The following LARGE1 variants were observed in gnomAD, a reference collection of about 807,000 sequenced individuals.
The protein encoded by LARGE1 is LARGE xylosyl- and glucuronyltransferase 1, also known as xylosyl- and glucuronyltransferase LARGE1.
In LARGE1, 43 loss-of-function variants were observed where a neutral mutation model predicts 87.6. That is an observed-to-expected ratio of 0.49 (90% CI 0.38 to 0.63). The LOEUF (loss-of-function observed/expected upper bound fraction) is 0.63, where lower values mean the gene tolerates loss of function less well. LARGE1 is among the 30% of genes least tolerant of loss of function. LARGE1 has a pLI of 0.00. For missense variants in LARGE1, 802 were observed against 1,000.2 expected (o/e 0.80, Z 2.67); for synonymous variants, 434 against 394.6 (o/e 1.10, Z -1.18).
At chr22:33,301,541 C>T (rs1293926127) in intron 12 of LARGE1, among the ~76,000 whole-genome samples, 3 of 151,996 alleles carry the variant, frequency 2.0e-5, no homozygotes, top group South Asian at 4.1e-4. Context: ...ATATGAATAC[C>T]TAGTAACCTT....
chr22:33,494,010 T>C (rs886142064), intron 6 of LARGE1, among the ~76,000 whole-genome samples: 9 of 152,240 alleles, frequency 5.9e-5, no homozygotes, highest in African/African-American at 2.2e-4. Flanking sequence ...AGGTGCTACT[T>C]TGTGCAAGGC....
At chr22:33,678,091 TA>T (rs2081636508) in intron 2 of LARGE1, among the ~76,000 whole-genome samples, 1 of 152,196 alleles carries the variant, frequency 6.6e-6, no homozygotes, top group African/African-American at 2.4e-5. Flanking sequence ...AAAATTTATG[TA>T]AAAGAAGTGG....
At chr22:33,485,461 C>T (rs753111763) in intron 6 of LARGE1, among the ~76,000 whole-genome samples, 13 of 152,060 alleles carry the variant, frequency 8.5e-5, no homozygotes, top group Non-Finnish European at 1.3e-4. Context: ...TGATCTGCCA[C>T]CCCCTCGGCC....
intron 5 of LARGE1, among the ~76,000 whole-genome samples, chr22:33,580,430 G>C (rs1240659404): frequency 6.6e-6 from 1 of 151,908 alleles, no homozygotes; most frequent in African/African-American, 2.4e-5. Context: ...CCTGAAAATG[G>C]GATGATGTAC....
At chr22:33,723,723 C>T (rs1357594688) in intron 2 of LARGE1, 1 of 151,708 alleles carries the variant, frequency 6.6e-6, no homozygotes, top group Non-Finnish European at 1.5e-5. Flanking sequence ...CTGAGCCCCC[C>T]TTTTTTCCCC....
intron 7 of LARGE1, among the ~76,000 whole-genome samples, chr22:33,414,119 T>C (rs1232334746): frequency 1.3e-5 from 2 of 152,186 alleles, no homozygotes; most frequent in African/African-American, 4.8e-5. Flanking sequence ...ACCGCCATAC[T>C]GTTTTCCATA....
rs541709951 is a variant in LARGE1, at chr22:33,208,372, G to A, written c.1731-41540C>T. On this transcript the variant is annotated intron_variant, in intron 11 of 11. Coordinates refer to the LARGE1 transcript ENST00000608642. ...TTTTAGGTTTCAAGCAATCCAAGTCGTCTTCAAAGCTGCTTGGGTTTCTTA... is the reference window on the plus strand; with the variant it reads ...TTTTAGGTTTCAAGCAATCCAAGTCATCTTCAAAGCTGCTTGGGTTTCTTA... Among the ~76,000 whole-genome samples the A allele has an allele frequency of 2.2e-3, 340 of 152,288 alleles. 3 individuals are homozygous for A. The highest frequency in any genetic ancestry group is 7.7e-3 in the African/African-American group (321 of 41,556).
At chr22:33,572,143 AC>A in intron 5 of LARGE1, 2 of 1,099,470 alleles carry the variant, frequency 1.8e-6, no homozygotes, top group Non-Finnish European at 2.5e-6. Flanking sequence ...TAGATTGCTT[AC>A]CCATATTAAC....
intron 1 of LARGE1, among the ~76,000 whole-genome samples, chr22:33,827,533 C>T (rs2062835601): frequency 6.6e-6 from 1 of 152,052 alleles, no homozygotes; most frequent in African/African-American, 2.4e-5. Flanking sequence ...TGGGTTAGCC[C>T]CGAAAAGTGG....
chr22:33,833,678 A>G (rs1311525610), intron 1 of LARGE1, among the ~76,000 whole-genome samples: 1 of 152,048 alleles, frequency 6.6e-6, no homozygotes, highest in Admixed American at 6.6e-5. Context: ...TGTCATTTTT[A>G]TTTATTTATT....
the LARGE1 span, among the ~76,000 whole-genome samples, chr22:33,091,433 G>A: frequency 6.4e-4 from 97 of 152,208 alleles, 2 homozygotes; most frequent in East Asian, 0.011. Context: ...GGTGGCAGGC[G>A]CCTGTAATCT....
chr22:33,849,028 C>T (rs1289346043), intron 1 of LARGE1, among the ~76,000 whole-genome samples: 2 of 152,262 alleles, frequency 1.3e-5, no homozygotes, highest in Non-Finnish European at 2.9e-5. Context: ...TCCCAGAGAA[C>T]AGTTCTTGGC....
intron 4 of LARGE1, among the ~76,000 whole-genome samples, chr22:33,613,296 T>G (rs2079493404): frequency 6.6e-6 from 1 of 152,138 alleles, no homozygotes; most frequent in South Asian, 2.1e-4. Flanking sequence ...GGCCTTTTCC[T>G]TTTAGGCTCA....
chr22:33,207,751 G>A (rs1924758352), intron 11 of LARGE1, among the ~76,000 whole-genome samples: 1 of 152,088 alleles, frequency 6.6e-6, no homozygotes, highest in Non-Finnish European at 1.5e-5. Context: ...TGCTCCAACA[G>A]ATATCCAACA....
At chr22:33,567,235 A>G (rs903058286) in intron 5 of LARGE1, among the ~76,000 whole-genome samples, 8 of 151,912 alleles carry the variant, frequency 5.3e-5, no homozygotes, top group Non-Finnish European at 1.2e-4. Flanking sequence ...GTTTTTTTTT[A>G]AGAGTAGTTG....
chr22:33,401,793 T>C (rs1435113363), intron 7 of LARGE1, among the ~76,000 whole-genome samples: 3 of 152,218 alleles, frequency 2.0e-5, no homozygotes, highest in Admixed American at 6.5e-5. Context: ...TTCTAGCTTC[T>C]AGAACTGTGA....
At chr22:33,154,673 T>C in the LARGE1 span, among the ~76,000 whole-genome samples, 132 of 152,314 alleles carry the variant, frequency 8.7e-4, 2 homozygotes, top group East Asian at 0.017. Flanking sequence ...TATTTAAGAA[T>C]CATAATAAGT....
rs1375294012 is a variant in LARGE1, at chr22:33,642,699, C to CAAATGGA, written c.408+7661_408+7667dup. ...AAGAAATGGAGGAATATTTACCAAG[C>CAAATGGA]AAATGGAAAGCAAAAAAAAAAAAAA... is the stretch of plus-strand genomic sequence containing the variant. On this transcript the variant is annotated intron_variant, in intron 3 of 14. Coordinates refer to ENST00000397394, the MANE Select transcript of LARGE1 (RefSeq NM_133642.5). Among the ~76,000 whole-genome samples, 4 of 17,708 alleles carry CAAATGGA rather than the reference C, an allele frequency of 2.3e-4. No individual in the cohort carries two copies. In the South Asian group the frequency reaches 4.9e-3, roughly 21 times the overall value. 11.6% of individuals were successfully genotyped at this position (17,708 alleles called of 152,430 possible).
intron 2 of LARGE1, chr22:33,746,503 A>G (rs892405679): frequency 5.9e-5 from 9 of 152,244 alleles, no homozygotes; most frequent in Non-Finnish European, 7.3e-5. Context: ...ACAAATAATA[A>G]TAACAATGAC....
Sources: gnomAD v4.1 joint callset for allele counts (sites outside exome capture counted in the v4.1 genomes callset) on GRCh38, gnomAD v4.1.1 for gene constraint, MANE v1.5 for transcripts, NCBI Gene and HGNC (gene_info 2026-07-23, HGNC 2026-07-21) for gene names.